The following KLHL2 variants were observed in gnomAD, a reference collection of about 807,000 sequenced individuals.
KLHL2 encodes kelch like family member 2, also known as kelch-like protein 2.
KLHL2 carries 15 observed loss-of-function variants against 75.8 expected under a neutral mutation model. The observed-to-expected ratio is 0.20, with a 90% CI of 0.13 to 0.30. KLHL2 has a LOEUF of 0.30. Among genes scored for constraint, KLHL2 ranks in the 10% least tolerant of loss-of-function variants. The probability of loss-of-function intolerance (pLI) is 1.00; values close to 1 mark genes in which losing one functional copy is unlikely to be tolerated. For missense variants in KLHL2, 381 were observed against 741.0 expected (o/e 0.51, Z 5.64); for synonymous variants, 214 against 251.9 (o/e 0.85, Z 1.42).
At chr4:165,271,653 G>T (rs1742705366) in intron 5 of KLHL2, among the ~76,000 whole-genome samples, 1 of 151,994 alleles carries the variant, frequency 6.6e-6, no homozygotes, top group Non-Finnish European at 1.5e-5. Flanking sequence ...TCTTTCTTTT[G>T]CCTGATTACT....
intron 5 of KLHL2, among the ~76,000 whole-genome samples, chr4:165,265,362 T>C (rs1295950423): frequency 6.6e-6 from 1 of 152,134 alleles, no homozygotes; most frequent in Non-Finnish European, 1.5e-5. Flanking sequence ...TTTGGTCTTG[T>C]GGAAGTTTTT....
At chr4:165,271,525 A>G (rs1228744921) in intron 5 of KLHL2, among the ~76,000 whole-genome samples, 1 of 152,162 alleles carries the variant, frequency 6.6e-6, no homozygotes, top group East Asian at 1.9e-4. Context: ...TACTGAATTC[A>G]TTTATCAAAG....
chr4:165,264,467 G>A, intron 5 of KLHL2, among the ~76,000 whole-genome samples: 1 of 151,266 alleles, frequency 6.6e-6, no homozygotes, highest in East Asian at 2.0e-4. Context: ...GTGTGAATAT[G>A]TAGTATTTGG....
At chr4:165,306,794 G>A (rs927241111) in intron 9 of KLHL2, among the ~76,000 whole-genome samples, 14 of 152,094 alleles carry the variant, frequency 9.2e-5, no homozygotes. Flanking sequence ...TAGCCTTTTT[G>A]TCTGTGATAT....
rs976117791 is a variant in KLHL2, at chr4:165,242,606, C to T, written c.381+3707C>T. On this transcript the variant is annotated intron_variant, in intron 4 of 14. Transcript: ENST00000226725. ...TCTCTTCCCAGGTTCAAGCAATTCT[C>T]CCACCTCAGCCTTCCAAGTAGCTGG... Among the ~76,000 whole-genome samples, 5 of 152,236 alleles carry T rather than the reference C, an allele frequency of 3.3e-5. No homozygotes were observed. In the East Asian group the frequency reaches 5.8e-4, roughly 18 times the overall value.
At chr4:165,261,364 G>A (rs1194222447) in intron 4 of KLHL2, among the ~76,000 whole-genome samples, 1 of 147,162 alleles carries the variant, frequency 6.8e-6, no homozygotes, top group Non-Finnish European at 1.5e-5. Flanking sequence ...TTTTTGAGAC[G>A]GAGTCTCTCT....
chr4:165,246,591 T>C (rs1218008485), intron 4 of KLHL2, among the ~76,000 whole-genome samples: 4 of 152,164 alleles, frequency 2.6e-5, no homozygotes, highest in African/African-American at 7.2e-5. Context: ...AATTTACTAA[T>C]GGATTTGCAT....
chr4:165,216,892 G>A (rs1737579302), intron 1 of KLHL2, among the ~76,000 whole-genome samples: 1 of 152,128 alleles, frequency 6.6e-6, no homozygotes, highest in African/African-American at 2.4e-5. Flanking sequence ...CTTCTTTGCA[G>A]GGTTTCTGTA....
Position 165,318,057 on chromosome 4 carries a change from TAA to T in KLHL2, c.1753+90_1753+91del, listed in dbSNP as rs1031196703. The T allele has an allele frequency of 2.6e-5, 31 of 1,210,202 alleles. No individual in the cohort carries two copies. In the African/African-American group the frequency reaches 3.7e-4, roughly 14 times the overall value. The allele number at this position is 1,210,202 out of a possible 1,614,324, so 75.0% of individuals were successfully genotyped here. On this transcript the variant is annotated intron_variant, in intron 14 of 14. Coordinates refer to ENST00000226725, the MANE Select transcript of KLHL2 (RefSeq NM_007246.4). ...TAACGAAGTTTTTCTGTTATAAGAA[TAA>T]AGTCTTTTCTCAAGGTATAGTTTAT...
chr4:165,225,013 T>A (rs75247135), intron 2 of KLHL2, among the ~76,000 whole-genome samples: 12,657 of 152,262 alleles, frequency 0.083, 591 homozygotes, highest in Middle Eastern at 0.1. Context: ...TCATTTTATA[T>A]CAGAAGACCC....
intron 4 of KLHL2, among the ~76,000 whole-genome samples, chr4:165,244,607 A>G (rs151184265): frequency 6.6e-6 from 1 of 152,194 alleles, no homozygotes; most frequent in South Asian, 2.1e-4. Context: ...AATATCTGAT[A>G]AGTACTCGGT....
In KLHL2 at chr4:165,297,726, G is replaced by A; in HGVS notation, c.771+1G>A. On this transcript the variant is annotated splice_donor_variant, in intron 7 of 14. Coordinates refer to ENST00000226725, the MANE Select transcript of KLHL2 (RefSeq NM_007246.4). LOFTEE classifies it high-confidence loss of function. ...GCTTCCTCGGGAATATTTAGTTCAG[G>A]TAAATGCATATGCAAAACATATGAA... is the stretch of plus-strand genomic sequence containing the variant. The A allele has an allele frequency of 6.4e-7, 1 of 1,565,072 alleles. No individual in the cohort carries two copies. Among genetic ancestry groups the A allele is most frequent in the Non-Finnish European group, 8.8e-7 (1 of 1,135,248 alleles).
chr4:165,287,371 A>G (rs778878229), intron 5 of KLHL2, among the ~76,000 whole-genome samples: 3 of 152,142 alleles, frequency 2.0e-5, no homozygotes, highest in African/African-American at 4.8e-5. Context: ...TAGTGTATGT[A>G]TATACCAATT....
chr4:165,286,212 C>T (rs1579123020), intron 5 of KLHL2, among the ~76,000 whole-genome samples: 1 of 152,024 alleles, frequency 6.6e-6, no homozygotes, highest in Non-Finnish European at 1.5e-5. Flanking sequence ...AGTAATTAAT[C>T]TGAAGGTTTT....
intron 1 of KLHL2, among the ~76,000 whole-genome samples, chr4:165,214,162 C>G (rs1027612623): frequency 2.0e-5 from 3 of 151,986 alleles, no homozygotes; most frequent in Non-Finnish European, 4.4e-5. Context: ...AAAATGTATC[C>G]CAGTCAACTG....
At chr4:165,311,357 T>C in intron 10 of KLHL2, 107 bp from the exon 11 acceptor site, 1 of 718,492 alleles carries the variant, frequency 1.4e-6, no homozygotes, top group Admixed American at 2.7e-5. Flanking sequence ...CACCATTTTC[T>C]TCTCTTAATT....
At chr4:165,264,740 GTATA>G (rs1216985793) in intron 5 of KLHL2, among the ~76,000 whole-genome samples, 2 of 75,752 alleles carry the variant, frequency 2.6e-5, no homozygotes, top group African/African-American at 9.8e-5. Flanking sequence ...ATATATATAT[GTATA>G]TATATATATA....
chr4:165,271,165 A>AT (rs55817226), intron 5 of KLHL2, among the ~76,000 whole-genome samples: 31 of 150,698 alleles, frequency 2.1e-4, no homozygotes, highest in East Asian at 5.9e-4. Context: ...GCATTTTAGG[A>AT]TTTTTTTTTT....
At chr4:165,249,406 A>G (rs1402913807) in intron 4 of KLHL2, among the ~76,000 whole-genome samples, 1 of 152,194 alleles carries the variant, frequency 6.6e-6, no homozygotes, top group African/African-American at 2.4e-5. Context: ...CTAGATACCT[A>G]AGTGATAGAA....
Sources: allele counts gnomAD v4.1 joint callset (sites outside exome capture counted in the v4.1 genomes callset), GRCh38; gene constraint gnomAD v4.1.1; transcripts MANE v1.5; gene names NCBI Gene and HGNC (gene_info 2026-07-23, HGNC 2026-07-21).